Variants in MARCHF3 observed in about 807,000 individuals in gnomAD.
The protein encoded by MARCHF3 is E3 ubiquitin-protein ligase MARCHF3.
A neutral mutation model predicts 24.2 loss-of-function variants in MARCHF3; 13 were observed. The observed-to-expected ratio is 0.54, with a 90% confidence interval of 0.35 to 0.85. The LOEUF (loss-of-function observed/expected upper bound fraction) is 0.85. MARCHF3 is among the 40% of genes least tolerant of loss of function. MARCHF3 has a pLI of 0.01. For missense variants in MARCHF3, 276 were observed against 325.0 expected (o/e 0.85, Z 1.16); for synonymous variants, 144 against 137.3 (o/e 1.05, Z -0.34).
In MARCHF3 at chr5:126,897,045, A is replaced by ATTTTTTTTTTTTTTTTTTTTTTT. The variant is rs759577287; in HGVS notation, c.393+17884_393+17885insAAAAAAAAAAAAAAAAAAAAAAA. 1.5e-4 allele frequency among the ~76,000 whole-genome samples: 18 copies of ATTTTTTTTTTTTTTTTTTTTTTT among 116,442 alleles called. 1 individual carries two copies. Among genetic ancestry groups the ATTTTTTTTTTTTTTTTTTTTTTT allele is most frequent in the African/African-American group, 2.9e-4 (8 of 27,826 alleles). The allele number at this position is 116,442 out of a possible 152,430, so 76.4% of individuals were successfully genotyped here. On this transcript the variant is annotated intron_variant, in intron 3 of 4. Coordinates refer to ENST00000308660, the MANE Select transcript of MARCHF3 (RefSeq NM_178450.5). ...CAATCCAACTTTCTGAAGTTTGAGAATTTTTTTTTTTGAGATGGAGTTTCA... is the reference window on the plus strand; with the variant it reads ...CAATCCAACTTTCTGAAGTTTGAGAATTTTTTTTTTTTTTTTTTTTTTTTTTTTTTTTTTGAGATGGAGTTTCA...
intron 1 of MARCHF3, among the ~76,000 whole-genome samples, chr5:126,922,556 T>TTTATTTA (rs1749149475): frequency 8.3e-6 from 1 of 120,144 alleles, no homozygotes; most frequent in South Asian, 2.9e-4. Flanking sequence ...TTATTTATTA[T>TTTATTTA]TTATTTTTGA....
At chr5:126,919,246 G>A (rs1471806561) in intron 1 of MARCHF3, among the ~76,000 whole-genome samples, 1 of 152,184 alleles carries the variant, frequency 6.6e-6, no homozygotes, top group African/African-American at 2.4e-5. Flanking sequence ...GTCAGCATGT[G>A]ACACATAAGA....
At chr5:126,880,817 T>C (rs979105949) in intron 3 of MARCHF3, among the ~76,000 whole-genome samples, 1 of 152,224 alleles carries the variant, frequency 6.6e-6, no homozygotes, top group South Asian at 2.1e-4. Context: ...GGTGTACTCT[T>C]CTCTGTACTT....
chr5:126,922,425 G>T (rs1187022294), intron 1 of MARCHF3, among the ~76,000 whole-genome samples: 1 of 152,166 alleles, frequency 6.6e-6, no homozygotes, highest in African/African-American at 2.4e-5. Flanking sequence ...GCAGGAACAT[G>T]CCATGTACAG....
chr5:126,978,246 T>C (rs1751270044), intron 1 of MARCHF3, among the ~76,000 whole-genome samples: 1 of 152,218 alleles, frequency 6.6e-6, no homozygotes, highest in African/African-American at 2.4e-5. Context: ...GATAAAGTAC[T>C]ACATGTGACC....
chr5:126,997,750 TA>T (rs987867064), intron 1 of MARCHF3, among the ~76,000 whole-genome samples: 2 of 152,212 alleles, frequency 1.3e-5, no homozygotes, highest in Non-Finnish European at 2.9e-5. Flanking sequence ...CTTCCCCCCT[TA>T]AAATTACATT....
chr5:126,871,559 C>A (rs1412931525), intron 4 of MARCHF3, among the ~76,000 whole-genome samples: 1 of 152,220 alleles, frequency 6.6e-6, no homozygotes, highest in Non-Finnish European at 1.5e-5. Context: ...TGAGAGCAGG[C>A]GTTGTGTTGT....
chr5:126,896,830 G>T (rs1353095798), intron 3 of MARCHF3, among the ~76,000 whole-genome samples: 1 of 152,010 alleles, frequency 6.6e-6, no homozygotes, highest in East Asian at 1.9e-4. Context: ...AGGGGTATTT[G>T]ACTTAGGTTA....
At chr5:126,900,828 A>G (rs1402911264) in intron 3 of MARCHF3, among the ~76,000 whole-genome samples, 1 of 151,728 alleles carries the variant, frequency 6.6e-6, no homozygotes, top group Non-Finnish European at 1.5e-5. Flanking sequence ...TAGCCTCTCA[A>G]ATAGCTGGGA....
chr5:126,900,319 T>C (rs1040994883), intron 3 of MARCHF3, among the ~76,000 whole-genome samples: 1 of 152,058 alleles, frequency 6.6e-6, no homozygotes, highest in Non-Finnish European at 1.5e-5. Flanking sequence ...CCAAAATTCA[T>C]ATTTTGAAAT....
rs1159990998 is a variant in MARCHF3 at position 126,869,372 on chromosome 5, C to CAG, written c.*1260_*1261insCT. The CAG allele has an allele frequency of 6.6e-6, 1 of 152,208 alleles. No homozygotes were observed. The highest frequency in any genetic ancestry group is 1.5e-5 in the Non-Finnish European group (1 of 68,046). The allele number at this position is 152,208 out of a possible 1,614,324, so 9.4% of individuals were successfully genotyped here. On this transcript the variant is annotated 3_prime_UTR_variant, in exon 5 of 5. Transcript: ENST00000308660. Reference sequence around the variant, plus strand: ...AGCCAGCGCTCTCCTCAGAAGACATCCGCTCCTGCCTCGGTGCGCGCACAA... The same window carrying CAG: ...AGCCAGCGCTCTCCTCAGAAGACATCAGCGCTCCTGCCTCGGTGCGCGCACAA...
chr5:127,001,641 C>T (rs532413260), intron 1 of MARCHF3, among the ~76,000 whole-genome samples: 16 of 152,214 alleles, frequency 1.1e-4, no homozygotes, highest in Non-Finnish European at 1.6e-4. Context: ...ATACTTCTTT[C>T]CCTCTCCACT....
At chr5:126,954,118 C>G (rs1165078463) in intron 1 of MARCHF3, among the ~76,000 whole-genome samples, 1 of 151,982 alleles carries the variant, frequency 6.6e-6, no homozygotes, top group African/African-American at 2.4e-5. Context: ...CTGCAAGCTC[C>G]GCCTCCTGGC....
intron 1 of MARCHF3, among the ~76,000 whole-genome samples, chr5:126,966,386 A>T (rs1276356629): frequency 6.6e-6 from 1 of 152,184 alleles, no homozygotes; most frequent in Non-Finnish European, 1.5e-5. Flanking sequence ...AGAAGGCAGT[A>T]TACATTAAGA....
At chr5:126,924,512 T>TTTGA (rs1388716698) in intron 1 of MARCHF3, among the ~76,000 whole-genome samples, 1 of 152,196 alleles carries the variant, frequency 6.6e-6, no homozygotes, top group South Asian at 2.1e-4. Context: ...GATGCCGCTC[T>TTTGA]TTGATAGAAC....
chr5:126,962,830 T>TGCGC (rs1256879108), intron 1 of MARCHF3, among the ~76,000 whole-genome samples: 11 of 54,152 alleles, frequency 2.0e-4, no homozygotes, highest in South Asian at 6.1e-4. Context: ...TGTGTGTGTG[T>TGCGC]GTGCGTGTGT....
At chr5:126,955,540 C>G (rs1436720955) in intron 1 of MARCHF3, among the ~76,000 whole-genome samples, 1 of 152,190 alleles carries the variant, frequency 6.6e-6, no homozygotes, top group Non-Finnish European at 1.5e-5. Flanking sequence ...TTGTTTCAGC[C>G]AGCATTTCTC....
chr5:126,887,672 C>G (rs141338513), intron 3 of MARCHF3, among the ~76,000 whole-genome samples: 1 of 152,216 alleles, frequency 6.6e-6, no homozygotes, highest in African/African-American at 2.4e-5. Context: ...TGAGCTCTCA[C>G]GCAATGCTCT....
At chr5:126,988,434 A>G (rs766277813) in intron 1 of MARCHF3, among the ~76,000 whole-genome samples, 2 of 152,208 alleles carry the variant, frequency 1.3e-5, no homozygotes, top group Non-Finnish European at 2.9e-5. Context: ...AAACAGAAAC[A>G]CCAAAGAGAA....
Sources: gnomAD v4.1 joint callset for allele counts (sites outside exome capture counted in the v4.1 genomes callset) on GRCh38, gnomAD v4.1.1 for gene constraint, MANE v1.5 for transcripts, NCBI Gene and HGNC (gene_info 2026-07-23, HGNC 2026-07-21) for gene names.